UBE2E2: variants seen among roughly 807,000 people sequenced by gnomAD.
UBE2E2 encodes the protein ubiquitin-conjugating enzyme E2 E2.
Under a neutral mutation model 24.7 loss-of-function variants are expected in UBE2E2, and 6 were observed. That is an observed-to-expected ratio of 0.24 (90% CI 0.13 to 0.48). UBE2E2 has a LOEUF of 0.48. UBE2E2 is among the 20% of genes least tolerant of loss of function. The pLI is 0.99. For missense variants in UBE2E2, 169 were observed against 245.0 expected, an observed-to-expected ratio of 0.69 and a Z score of 2.07; for synonymous variants, 104 against 83.6, an observed-to-expected ratio of 1.24 and a Z score of -1.33.
chr3:23,362,255 C>T (rs939526352), intron 3 of UBE2E2, among the ~76,000 whole-genome samples: 1 of 152,092 alleles, frequency 6.6e-6, no homozygotes, highest in African/African-American at 2.4e-5. Flanking sequence ...CAGTGTGGAG[C>T]CAGGAGAACC....
intron 3 of UBE2E2, among the ~76,000 whole-genome samples, chr3:23,422,256 G>A (rs186605050): frequency 6.6e-6 from 1 of 152,122 alleles, no homozygotes; most frequent in African/African-American, 2.4e-5. Flanking sequence ...TAAATACGGG[G>A]ATAGAGAGTA....
chr3:23,545,974 A>G (rs1164078832), intron 5 of UBE2E2, among the ~76,000 whole-genome samples: 1 of 152,164 alleles, frequency 6.6e-6, no homozygotes, highest in Non-Finnish European at 1.5e-5. Context: ...AAGGCATACA[A>G]AGTGATATGG....
chr3:23,582,219 A>G (rs568628856), intron 5 of UBE2E2, among the ~76,000 whole-genome samples: 2 of 152,304 alleles, frequency 1.3e-5, no homozygotes, highest in South Asian at 4.1e-4. Flanking sequence ...TGTTGCTGCA[A>G]AGGACATGAT....
intron 5 of UBE2E2, among the ~76,000 whole-genome samples, chr3:23,566,798 G>A (rs908070959): frequency 5.9e-5 from 9 of 152,142 alleles, no homozygotes; most frequent in African/African-American, 1.9e-4. Context: ...AGGGTCACAT[G>A]TCAGCAGATT....
chr3:23,367,082 C>G (rs1696278061), intron 3 of UBE2E2, among the ~76,000 whole-genome samples: 2 of 152,284 alleles, frequency 1.3e-5, no homozygotes, highest in East Asian at 3.9e-4. Context: ...ATTTTCTCAT[C>G]AGGGCCTTTG....
chr3:23,275,662 A>T (rs894124908), intron 3 of UBE2E2, among the ~76,000 whole-genome samples: 1 of 152,202 alleles, frequency 6.6e-6, no homozygotes, highest in East Asian at 1.9e-4. Flanking sequence ...TTATAGGTAG[A>T]GGTGCTTAAA....
At chr3:23,361,437 G>T (rs564731874) in intron 3 of UBE2E2, among the ~76,000 whole-genome samples, 1 of 152,160 alleles carries the variant, frequency 6.6e-6, no homozygotes, top group Admixed American at 6.5e-5. Flanking sequence ...CTAAGTGCCC[G>T]TTGACCAATG....
At chr3:23,519,284 A>G (rs1694809187) in intron 4 of UBE2E2, among the ~76,000 whole-genome samples, 1 of 152,136 alleles carries the variant, frequency 6.6e-6, no homozygotes, top group African/African-American at 2.4e-5. Context: ...TTTATAACAA[A>G]TGCTTATACA....
intron 3 of UBE2E2, among the ~76,000 whole-genome samples, chr3:23,436,813 C>G (rs894896220): frequency 6.6e-6 from 1 of 152,162 alleles, no homozygotes; most frequent in African/African-American, 2.4e-5. Context: ...TTTGTATCTC[C>G]GACATTAGAC....
intron 5 of UBE2E2, among the ~76,000 whole-genome samples, chr3:23,572,866 G>C (rs1467221907): frequency 6.6e-6 from 1 of 152,116 alleles, no homozygotes; most frequent in African/African-American, 2.4e-5. Context: ...GTGTCTTTTT[G>C]GTAGAACAAT....
At chr3:23,588,107 A>G (rs1696667930) in intron 5 of UBE2E2, among the ~76,000 whole-genome samples, 1 of 152,126 alleles carries the variant, frequency 6.6e-6, no homozygotes, top group Non-Finnish European at 1.5e-5. Flanking sequence ...GTGCCTTACA[A>G]GGTTAGTCTC....
chr3:23,213,064 G>A (rs1478844296), intron 2 of UBE2E2, among the ~76,000 whole-genome samples: 1 of 152,102 alleles, frequency 6.6e-6, no homozygotes, highest in Non-Finnish European at 1.5e-5. Context: ...GGGTTTTTAG[G>A]TTGACTGAGG....
chr3:23,566,813 G>A (rs1328466637), intron 5 of UBE2E2, among the ~76,000 whole-genome samples: 2 of 152,130 alleles, frequency 1.3e-5, no homozygotes, highest in Non-Finnish European at 2.9e-5. Context: ...CAGATTTGGA[G>A]GGGACAAATA....
chr3:23,571,276 C>CTTTTTTTTTTTTTT (rs1559425735), intron 5 of UBE2E2, among the ~76,000 whole-genome samples: 1 of 24,690 alleles, frequency 4.1e-5, no homozygotes, highest in Non-Finnish European at 9.5e-5. Context: ...CTGTGTGCTC[C>CTTTTTTTTTTTTTT]TTTCTTTTTT....
intron 3 of UBE2E2, among the ~76,000 whole-genome samples, chr3:23,247,659 G>A (rs1044551547): frequency 1.3e-5 from 2 of 152,114 alleles, no homozygotes; most frequent in Non-Finnish European, 2.9e-5. Context: ...TTAAGTAGGA[G>A]TATTTGGACC....
intron 3 of UBE2E2, among the ~76,000 whole-genome samples, chr3:23,462,156 A>G (rs1698816361): frequency 6.6e-6 from 1 of 152,192 alleles, no homozygotes; most frequent in Non-Finnish European, 1.5e-5. Flanking sequence ...TATAAATTTT[A>G]ACTTGATGTC....
intron 3 of UBE2E2, among the ~76,000 whole-genome samples, chr3:23,234,767 T>C (rs76790740): frequency 0.029 from 4,375 of 152,250 alleles, 108 homozygotes; most frequent in East Asian, 0.13. Flanking sequence ...ATACATGTTA[T>C]CATGTTGTTA....
At chr3:23,493,606 A>G (rs897221687) in intron 3 of UBE2E2, among the ~76,000 whole-genome samples, 5 of 152,230 alleles carry the variant, frequency 3.3e-5, no homozygotes, top group Admixed American at 6.5e-5. Flanking sequence ...AAGTGGGAAA[A>G]CATTACTTAA....
At chr3:23,371,107 G>A (rs990750161) in intron 3 of UBE2E2, among the ~76,000 whole-genome samples, 2 of 152,092 alleles carry the variant, frequency 1.3e-5, no homozygotes, top group African/African-American at 4.8e-5. Context: ...ATGGCTCACT[G>A]CAGCCTAAAC....
Sources: gnomAD v4.1 joint callset for allele counts (sites outside exome capture counted in the v4.1 genomes callset) on GRCh38, gnomAD v4.1.1 for gene constraint, MANE v1.5 for transcripts, NCBI Gene and HGNC (gene_info 2026-07-23, HGNC 2026-07-21) for gene names.